Variants in ISLR2 observed in about 807,000 individuals in gnomAD.
The protein encoded by ISLR2 is immunoglobulin superfamily containing leucine rich repeat 2, also known as immunoglobulin superfamily containing leucine-rich repeat protein 2.
ISLR2 carries 16 observed loss-of-function variants against 25.5 expected under a neutral mutation model. The ratio of observed to expected loss-of-function variants is 0.63; its 90% CI spans 0.43 to 0.95. ISLR2 has a LOEUF of 0.95. Among genes scored for constraint, ISLR2 ranks in the 40% least tolerant of loss-of-function variants. The probability of loss-of-function intolerance (pLI) is 0.00; values close to 1 mark genes in which losing one functional copy is unlikely to be tolerated. For missense variants in ISLR2, 883 were observed against 1,030.7 expected (o/e 0.86, Z 1.96); for synonymous variants, 508 against 486.6 (o/e 1.04, Z -0.58).
At chr15:74,112,469 A>G (rs1029020226) in intron 2 of ISLR2, among the ~76,000 whole-genome samples, 1 of 151,618 alleles carries the variant, frequency 6.6e-6, no homozygotes, top group Non-Finnish European at 1.5e-5. Flanking sequence ...TAACGTATGT[A>G]TGTAGTTACT....
chr15:74,133,883 C>A lies in ISLR2; in HGVS notation c.1129C>A (p.Pro377Thr). The A allele has an allele frequency of 6.2e-7, 1 of 1,609,698 alleles. No individual in the cohort carries two copies. The highest frequency in any genetic ancestry group is 8.5e-7 in the Non-Finnish European group (1 of 1,178,292). ...ACGCGTGGCGGTGGCAGCAACCGGGCCCCCAAAACACGCGCCTGGCGCCGG... is the reference window on the plus strand; with the variant it reads ...ACGCGTGGCGGTGGCAGCAACCGGGACCCCAAAACACGCGCCTGGCGCCGG... The part of the protein sequence containing the change: ...SIRVAVAATG[P>T]PKHAPGAGGE... The change falls in exon 3 of 3, where the codon CCC (proline) becomes ACC (threonine). Residue 377 changes from proline (P) to threonine (T), a missense_variant. Physicochemically the swap from Pro to Thr is conservative, Grantham distance 38 (BLOSUM62 -1). Around this residue, in one of 2 missense-constraint regions of ISLR2, gnomAD observed 612 missense variants for 642.8 expected, o/e 0.95. Transcript: ENST00000453268.
chr15:74,124,792 T>C (rs915120823), upstream of ISLR2, among the ~76,000 whole-genome samples: 8 of 152,082 alleles, frequency 5.3e-5, no homozygotes, highest in African/African-American at 1.9e-4. Context: ...ACAATAGGTA[T>C]GTTTCCTTGG....
upstream of ISLR2, chr15:74,128,276 G>T (rs2072327105): frequency 2.9e-6 from 1 of 343,396 alleles, no homozygotes; most frequent in Non-Finnish European, 5.5e-6. Context: ...CTGCCCGGGC[G>T]GGCACTGGGC....
At position 74,134,480 on chromosome 15, in the gene ISLR2, C is replaced by T. The variant is rs781708018; in HGVS notation, c.1726C>T (p.His576Tyr). Reference sequence around the variant, plus strand: ...CCTGGCGCTGGCGGGCGAAGCCTGCCACGTGCAAGTGGTGTTTTCCACCAA... The same window carrying T: ...CCTGGCGCTGGCGGGCGAAGCCTGCTACGTGCAAGTGGTGTTTTCCACCAA... ...VCLALAGEAC[H>Y]VQVVFSTKKE... The change falls in exon 3 of 3, where the codon CAC (histidine) becomes TAC (tyrosine). Residue 576 changes from histidine (H) to tyrosine (Y), a missense_variant. His to Tyr is a moderately conservative substitution (Grantham distance 83). Coordinates refer to ENST00000453268, the MANE Select transcript of ISLR2 (RefSeq NM_020851.3). 5.0e-6 allele frequency: 8 copies of T among 1,612,804 alleles called. No individual in the cohort carries two copies. The highest frequency in any genetic ancestry group is 1.3e-5 in the African/African-American group (1 of 75,064).
chr15:74,107,750 T>C (rs1201642079), intron 2 of ISLR2, among the ~76,000 whole-genome samples: 1 of 152,202 alleles, frequency 6.6e-6, no homozygotes, highest in African/African-American at 2.4e-5. Context: ...GTCCCCACTT[T>C]CATTTTCTAC....
upstream of ISLR2, chr15:74,129,960 A>G (rs1279058010): frequency 2.0e-5 from 3 of 152,230 alleles, no homozygotes; most frequent in African/African-American, 7.2e-5. The surrounding 1 kb of genome is among the most constrained non-coding windows in gnomAD (Gnocchi z 4.5). Flanking sequence ...GGAGCAGGCA[A>G]GACCTGGAGT....
In ISLR2 at chr15:74,134,195, C is replaced by A; in HGVS notation, c.1441C>A (p.Pro481Thr). 1 of 1,611,018 alleles carries A rather than the reference C, an allele frequency of 6.2e-7. No individual in the cohort carries two copies. Among genetic ancestry groups the A allele is most frequent in the East Asian group, 2.2e-5 (1 of 44,754 alleles). ...HAFNQSAELK[P>T]HVFELGVIAL... The stretch of plus-strand genomic sequence containing the variant: ...GTTCAACCAGAGCGCAGAGCTCAAG[C>A]CGCACGTCTTCGAGCTGGGCGTCAT... Residue 481 changes from proline to threonine, a missense_variant, in exon 3 of 3, where the codon CCG becomes ACG. Coordinates refer to ENST00000453268, the MANE Select transcript of ISLR2 (RefSeq NM_020851.3).
At chr15:74,129,342 C>A (rs1261067368), upstream of ISLR2, 3 of 269,620 alleles carry the variant, frequency 1.1e-5, no homozygotes, top group Non-Finnish European at 1.5e-5. This position sits in a 1 kb window ranked among gnomAD's most constrained non-coding sequence, Gnocchi z 4.5. Flanking sequence ...CTCTTCCCCA[C>A]CCCCTCCCCT....
chr15:74,119,885 C>T (rs890458011), intron 2 of ISLR2, among the ~76,000 whole-genome samples: 11 of 152,330 alleles, frequency 7.2e-5, no homozygotes, highest in Middle Eastern at 6.8e-3. Context: ...TGACTTGTCT[C>T]ATCTTACACA....
chr15:74,102,680 A>C (rs1306184101), intron 1 of ISLR2, among the ~76,000 whole-genome samples: 2 of 151,952 alleles, frequency 1.3e-5, no homozygotes, highest in Non-Finnish European at 2.9e-5. Flanking sequence ...CATGGTTTGA[A>C]AACCACTAAT....
chr15:74,122,013 C>T (rs1007658461), intron 2 of ISLR2, among the ~76,000 whole-genome samples: 38 of 152,186 alleles, frequency 2.5e-4, no homozygotes, highest in African/African-American at 7.0e-4. Context: ...GAAGTGGGGG[C>T]GCCTGTCCCA....
Position 74,133,900 on chromosome 15 carries a change from T to C in ISLR2, c.1146T>C (p.Pro382=), listed in dbSNP as rs1475158505. ...VAATGPPKHA[P]GAGGEPDGQA... is the part of the protein sequence containing the mutation. ...CAACCGGGCCCCCAAAACACGCGCCTGGCGCCGGGGGAGAACCCGACGGAC... is the reference window on the plus strand; with the variant it reads ...CAACCGGGCCCCCAAAACACGCGCCCGGCGCCGGGGGAGAACCCGACGGAC... The change falls in exon 3 of 3, where the codon CCT becomes CCC. Residue 382 remains proline (P), a synonymous_variant. Transcript: ENST00000453268. 5.0e-6 allele frequency: 8 copies of C among 1,606,124 alleles called. No homozygotes were observed. The highest frequency in any genetic ancestry group is 6.8e-6 in the Non-Finnish European group (8 of 1,176,582).
chr15:74,109,693 G>A (rs1032279651), intron 2 of ISLR2, among the ~76,000 whole-genome samples: 3 of 152,230 alleles, frequency 2.0e-5, no homozygotes, highest in African/African-American at 7.2e-5. Flanking sequence ...GTCTGGGGTG[G>A]CGCCTGAGAA....
upstream of ISLR2, among the ~76,000 whole-genome samples, chr15:74,125,566 C>T (rs1327316126): frequency 1.3e-5 from 2 of 152,194 alleles, no homozygotes; most frequent in African/African-American, 4.8e-5. Context: ...GCAGGAGTAT[C>T]GCCTCTTCCA....
At position 74,136,074 on chromosome 15, in the gene ISLR2, C is replaced by CG. The variant is rs1252090913; in HGVS notation, c.*1088dup. 4.2e-5 allele frequency: 7 copies of CG among 166,924 alleles called. No individual in the cohort carries two copies. The East Asian group carries it at 9.6e-4, about 23-fold the overall frequency. The allele number at this position is 166,924 out of a possible 1,614,324, so 10.3% of individuals were successfully genotyped here. ...CTCTGGGAAAATCGAGTGTGTGTGT[C>CG]GGGGGGTAGGGAGGGAATGCGTTTT... On this transcript the variant is annotated 3_prime_UTR_variant, in exon 3 of 3. Coordinates refer to ENST00000453268, the MANE Select transcript of ISLR2 (RefSeq NM_020851.3).
chr15:74,123,243 C>T (rs530606679), upstream of ISLR2, among the ~76,000 whole-genome samples: 112 of 151,898 alleles, frequency 7.4e-4, no homozygotes, highest in African/African-American at 2.7e-3. Flanking sequence ...AGGCGGGAGG[C>T]GGGTTGCAGT....
rs763445090 is a variant in ISLR2, at chr15:74,132,768, G to C, written c.14G>C (p.Arg5Pro). The change falls in exon 3 of 3, where the codon CGG (arginine) becomes CCG (proline). Residue 5 changes from arginine to proline, a missense_variant. By Grantham distance (103) the Arg-to-Pro change is moderately radical. Transcript: ENST00000453268. The surrounding 1 kb of genome is among the most constrained non-coding windows in gnomAD (Gnocchi z 4.3). MFPL[R>P]ALWLVWALLG... is the part of the protein sequence containing the mutation. ...GCAGGAGCCGCGATGTTCCCCCTTC[G>C]GGCCCTGTGGTTGGTCTGGGCGCTT... 3.7e-6 allele frequency: 6 copies of C among 1,609,026 alleles called. No individual in the cohort carries two copies. Among genetic ancestry groups the C allele is most frequent in the South Asian group, 1.1e-5 (1 of 91,014 alleles).
chr15:74,127,049 G>T (rs2072308041), upstream of ISLR2: 1 of 151,870 alleles, frequency 6.6e-6, no homozygotes, highest in East Asian at 1.9e-4. Context: ...GCCTTAACCG[G>T]CTGCTATGCT....
At chr15:74,118,291 C>T (rs144241453) in intron 2 of ISLR2, among the ~76,000 whole-genome samples, 3,200 of 152,058 alleles carry the variant, frequency 0.021, 107 homozygotes, top group African/African-American at 0.073. Flanking sequence ...GTGTGGGTCA[C>T]AGAGATCACA....
Sources: allele counts gnomAD v4.1 joint callset (sites outside exome capture counted in the v4.1 genomes callset), GRCh38; gene constraint gnomAD v4.1.1; regional missense constraint gnomAD v4.1.1; non-coding constraint Gnocchi (gnomAD v3.1); transcripts MANE v1.5; gene names NCBI Gene and HGNC (gene_info 2026-07-23, HGNC 2026-07-21).